Variants in DEFB108B observed in about 807,000 individuals in gnomAD.
The protein encoded by DEFB108B is beta-defensin 108B.
A neutral mutation model predicts 2.4 loss-of-function variants in DEFB108B; 3 were observed. That is an observed-to-expected ratio of 1.25 (90% CI 0.57 to 3.24). DEFB108B has a LOEUF of 3.24. Among genes scored for constraint, DEFB108B ranks in the 30% most tolerant of loss-of-function variants. The pLI is 0.03. For synonymous variants in DEFB108B, 25 were observed against 28.7 expected, an observed-to-expected ratio of 0.87 and a Z score of 0.41; for missense variants, 101 against 87.8, an observed-to-expected ratio of 1.15 and a Z score of -0.60.
rs144231928 is a variant in DEFB108B at position 71,835,308 on chromosome 11, G to A, written c.58+2051G>A. On this transcript the variant is annotated intron_variant, in intron 1 of 1. Transcript: ENST00000328698. Reference sequence around the variant, plus strand: ...TTATGTCCATGTGCACTTATTGCTCGGCCCCCCCTTATAACTGAGAATATG... The same window carrying A: ...TTATGTCCATGTGCACTTATTGCTCAGCCCCCCCTTATAACTGAGAATATG... 8.4e-3 allele frequency among the ~76,000 whole-genome samples: 1,273 copies of A among 151,984 alleles called. 10 individuals carry two copies. Among genetic ancestry groups the A allele is most frequent in the Non-Finnish European group, 0.013 (851 of 67,990 alleles).
intron 1 of DEFB108B, among the ~76,000 whole-genome samples, chr11:71,835,660 GA>G (rs1170092933): frequency 4.6e-5 from 7 of 152,124 alleles, no homozygotes; most frequent in African/African-American, 1.7e-4. Context: ...AAAGTGGTTT[GA>G]AAATATAATG....
intron 1 of DEFB108B, chr11:71,837,169 T>C: frequency 1.8e-6 from 1 of 551,300 alleles, no homozygotes; most frequent in Non-Finnish European, 3.3e-6. Context: ...CAGCCTTTTG[T>C]CATGTAGGTG....
intron 1 of DEFB108B, among the ~76,000 whole-genome samples, chr11:71,836,597 A>G (rs890317664): frequency 6.3e-4 from 96 of 152,364 alleles, no homozygotes; most frequent in African/African-American, 2.1e-3. Flanking sequence ...TCCCCAGAGC[A>G]GTGATATCTT....
At chr11:71,834,089 C>T (rs1179771513) in intron 1 of DEFB108B, among the ~76,000 whole-genome samples, 2 of 152,108 alleles carry the variant, frequency 1.3e-5, no homozygotes, top group Non-Finnish European at 2.9e-5. Flanking sequence ...AATTAAGGCC[C>T]TGGAAACTGA....
At chr11:71,836,551 A>G (rs1037414753) in intron 1 of DEFB108B, among the ~76,000 whole-genome samples, 3 of 152,210 alleles carry the variant, frequency 2.0e-5, no homozygotes, top group Non-Finnish European at 4.4e-5. Context: ...GAATTAAAAC[A>G]CTTTTCAAAC....
chr11:71,836,989 T>C (rs904380186), intron 1 of DEFB108B: 15 of 173,984 alleles, frequency 8.6e-5, no homozygotes, highest in Non-Finnish European at 1.6e-4. Flanking sequence ...TAAAAAGAGA[T>C]GAACCAAAAG....
intron 1 of DEFB108B, 78 bp from the exon 2 acceptor site, chr11:71,837,321 G>A: frequency 1.3e-6 from 2 of 1,526,002 alleles, no homozygotes; most frequent in African/African-American, 1.4e-5. Context: ...TTCAAGCACT[G>A]CCCCCTACAT....
At chr11:71,835,390 C>T (rs1952210078) in intron 1 of DEFB108B, among the ~76,000 whole-genome samples, 1 of 152,170 alleles carries the variant, frequency 6.6e-6, no homozygotes, top group Non-Finnish European at 1.5e-5. Context: ...CCTCCAGCTG[C>T]ATCCATGTTA....
chr11:71,834,411 T>C (rs1952201633), intron 1 of DEFB108B, among the ~76,000 whole-genome samples: 1 of 152,202 alleles, frequency 6.6e-6, no homozygotes, highest in African/African-American at 2.4e-5. Context: ...GTGTCTTACA[T>C]ATATAACCCC....
At chr11:71,836,736 G>A (rs530126193) in intron 1 of DEFB108B, among the ~76,000 whole-genome samples, 19 of 152,216 alleles carry the variant, frequency 1.2e-4, no homozygotes, top group East Asian at 3.9e-4. Flanking sequence ...TCAAATACCC[G>A]TGCCAGAGAT....
At chr11:71,836,528 C>A (rs192672252) in intron 1 of DEFB108B, among the ~76,000 whole-genome samples, 3 of 152,148 alleles carry the variant, frequency 2.0e-5, no homozygotes, top group Non-Finnish European at 1.5e-5. Context: ...GTGTTACATA[C>A]AAAGGCTGCT....
chr11:71,836,341 C>A (rs1372477090), intron 1 of DEFB108B, among the ~76,000 whole-genome samples: 1 of 152,026 alleles, frequency 6.6e-6, no homozygotes, highest in East Asian at 1.9e-4. Flanking sequence ...TTAAATGGAA[C>A]CTAATGCATT....
chr11:71,837,684 A>T lies in DEFB108B; in HGVS notation c.*122A>T, dbSNP rs1952232509. Reference sequence around the variant, plus strand: ...GATTTTTATTGAATCCTCAAAAAAGAATAAACCAAAACCAACCAGCACAAA... The same window carrying T: ...GATTTTTATTGAATCCTCAAAAAAGTATAAACCAAAACCAACCAGCACAAA... On this transcript the variant is annotated 3_prime_UTR_variant, in exon 2 of 2. Coordinates refer to ENST00000328698, the MANE Select transcript of DEFB108B (RefSeq NM_001002035.2). 3 of 1,326,104 alleles carry T rather than the reference A, an allele frequency of 2.3e-6. No homozygotes were observed. In the African/African-American group the frequency reaches 4.4e-5, roughly 20 times the overall value. The allele number at this position is 1,326,104 out of a possible 1,614,324, so 82.1% of individuals were successfully genotyped here. A position where few individuals can be genotyped will look rare whatever the true frequency, so the allele number is the denominator to read the frequency against.
At chr11:71,836,394 T>C (rs58297839) in intron 1 of DEFB108B, among the ~76,000 whole-genome samples, 3,764 of 152,260 alleles carry the variant, frequency 0.025, 174 homozygotes, top group African/African-American at 0.086. Flanking sequence ...GAATGTTTAT[T>C]AAAATTGCTG....
chr11:71,835,246 C>G (rs1426017641), intron 1 of DEFB108B, among the ~76,000 whole-genome samples: 2 of 152,096 alleles, frequency 1.3e-5, no homozygotes, highest in Non-Finnish European at 2.9e-5. Flanking sequence ...CCTCTCCCTC[C>G]CCTCCTGGTA....
chr11:71,834,169 T>C (rs1952199568), intron 1 of DEFB108B, among the ~76,000 whole-genome samples: 1 of 152,216 alleles, frequency 6.6e-6, no homozygotes, highest in South Asian at 2.1e-4. Context: ...CTTTCCCTAA[T>C]ACATCCCACC....
chr11:71,834,144 G>A (rs999396963), intron 1 of DEFB108B, among the ~76,000 whole-genome samples: 4 of 152,302 alleles, frequency 2.6e-5, no homozygotes, highest in African/African-American at 7.2e-5. Context: ...TCAACACTTT[G>A]TTTTAATATC....
intron 1 of DEFB108B, among the ~76,000 whole-genome samples, chr11:71,833,537 G>T (rs1161752874): frequency 6.6e-6 from 1 of 152,090 alleles, no homozygotes; most frequent in Admixed American, 6.5e-5. Context: ...TAAAAATCAG[G>T]CATTATTCTA....
rs753357350 is a variant in DEFB108B, at chr11:71,833,207, T to C, written c.8T>C (p.Ile3Thr). 2.3e-5 allele frequency: 36 copies of C among 1,597,762 alleles called. No homozygotes were observed. Among genetic ancestry groups the C allele is most frequent in the South Asian group, 5.6e-5 (5 of 89,070 alleles). Reference sequence around the variant, plus strand: ...TTTTTTCTTTCTTCAGCCATGAGGATTGCTGTCCTCCTCTTCGCCATTTTC... The same window carrying C: ...TTTTTTCTTTCTTCAGCCATGAGGACTGCTGTCCTCCTCTTCGCCATTTTC... MRIAVLLFAIFFF... is the reference protein window; with the variant it reads MRTAVLLFAIFFF... Residue 3 changes from isoleucine (I) to threonine (T), a missense_variant, in exon 1 of 2, where the codon ATT becomes ACT. Transcript: ENST00000328698.
Sources: allele counts gnomAD v4.1 joint callset (sites outside exome capture counted in the v4.1 genomes callset), GRCh38; gene constraint gnomAD v4.1.1; transcripts MANE v1.5; gene names NCBI Gene and HGNC (gene_info 2026-07-23, HGNC 2026-07-21).